The following NLRP6 variants were observed in gnomAD, a reference collection of about 807,000 sequenced individuals.
NLRP6 encodes NLR family pyrin domain containing 6, also known as NACHT, LRR and PYD domains-containing protein 6.
NLRP6 carries 55 observed loss-of-function variants against 70.9 expected under a neutral mutation model. That is an observed-to-expected ratio of 0.78 (90% CI 0.62 to 0.97). The LOEUF (loss-of-function observed/expected upper bound fraction) is 0.97, where lower values mean the gene tolerates loss of function less well. NLRP6 is among the 50% of genes least tolerant of loss of function. The probability of loss-of-function intolerance (pLI) is 0.00; values close to 1 mark genes in which losing one functional copy is unlikely to be tolerated. For synonymous variants in NLRP6, 652 were observed against 581.9 expected, an observed-to-expected ratio of 1.12 and a Z score of -1.73; for missense variants, 1,241 against 1,238.3, an observed-to-expected ratio of 1.00 and a Z score of -0.03.
intron 5 of NLRP6, 69 bp downstream of exon 5, chr11:282,866 A>C (rs1845498799): frequency 4.4e-6 from 5 of 1,140,546 alleles, no homozygotes; most frequent in Non-Finnish European, 5.3e-6. Context: ...GCAGAGACGG[A>C]AGTATGACCT....
Position 281,012 on chromosome 11 carries a change from T to C in NLRP6, c.1278T>C (p.Val426=). 3 of 1,613,046 alleles carry C rather than the reference T, an allele frequency of 1.9e-6. No individual in the cohort carries two copies. The highest frequency in any genetic ancestry group is 2.5e-6 in the Non-Finnish European group (3 of 1,179,968). The change falls in exon 4 of 8, where the codon GTT becomes GTC. Residue 426 remains valine, a synonymous_variant. Coordinates refer to ENST00000534750, the MANE Select transcript of NLRP6 (RefSeq NM_001276700.2). ...TSVYLLFITS[V]LSSAPVADGP... The stretch of plus-strand genomic sequence containing the variant: ...TGTACCTGCTTTTCATCACCAGCGT[T>C]CTGAGCTCGGCTCCGGTAGCCGACG...
Position 281,511 on chromosome 11 carries a change from G to A in NLRP6, c.1777G>A (p.Val593Met). The change falls in exon 4 of 8, where the codon GTG becomes ATG. Residue 593 changes from valine to methionine, a missense_variant. Coordinates refer to ENST00000534750, the MANE Select transcript of NLRP6 (RefSeq NM_001276700.2). Reference protein sequence around the residue: ...GQGCPGVAPEVTEGAKGLEDT... With the variant: ...GQGCPGVAPEMTEGAKGLEDT... ...GGGCTGCCCCGGAGTGGCACCAGAGGTGACCGAGGGGGCCAAAGGGCTCGA... is the reference window on the plus strand; with the variant it reads ...GGGCTGCCCCGGAGTGGCACCAGAGATGACCGAGGGGGCCAAAGGGCTCGA... 6.2e-7 allele frequency: 1 copy of A among 1,605,334 alleles called. No homozygotes were observed. The highest frequency in any genetic ancestry group is 8.5e-7 in the Non-Finnish European group (1 of 1,175,374).
chr11:281,047 T>C lies in NLRP6; in HGVS notation c.1313T>C (p.Leu438Ser), dbSNP rs780565630. 3.7e-6 allele frequency: 6 copies of C among 1,613,016 alleles called. No homozygotes were observed. The South Asian group carries it at 6.6e-5, about 18-fold the overall frequency. ...SSAPVADGPR[L>S]QGDLRNLCRL... Reference sequence around the variant, plus strand: ...GCTCCGGTAGCCGACGGGCCCCGGTTGCAGGGCGACCTGCGCAATCTGTGC... The same window carrying C: ...GCTCCGGTAGCCGACGGGCCCCGGTCGCAGGGCGACCTGCGCAATCTGTGC... Residue 438 changes from leucine to serine, a missense_variant, in exon 4 of 8, where the codon TTG becomes TCG. By Grantham distance (145) the Leu-to-Ser change is moderately radical (BLOSUM62 -2). Transcript: ENST00000534750.
chr11:279,386 G>A lies in NLRP6; in HGVS notation c.89G>A (p.Ser30Asn). 7.5e-7 allele frequency: 1 copy of A among 1,341,404 alleles called. No individual in the cohort carries two copies. Among genetic ancestry groups the A allele is most frequent in the Non-Finnish European group, 9.5e-7 (1 of 1,048,140 alleles). The allele number at this position is 1,341,404 out of a possible 1,614,324, so 83.1% of individuals were successfully genotyped here. ...CTCCTGGCTGCGCTGGAGGAACTGA[G>A]CCAAGAGCAGCTGAAGCGCTTCCGC... ...ELLLAALEEL[S>N]QEQLKRFRHK... Residue 30 changes from serine (S) to asparagine (N), a missense_variant, in exon 2 of 8, where the codon AGC becomes AAC. Transcript: ENST00000534750.
In NLRP6 at chr11:284,497, C is replaced by A. The variant is rs370721274; in HGVS notation, c.2392C>A (p.Arg798=). 11 of 1,612,914 alleles carry A rather than the reference C, an allele frequency of 6.8e-6. No individual in the cohort carries two copies. Among genetic ancestry groups the A allele is most frequent in the Non-Finnish European group, 8.5e-6 (10 of 1,179,816 alleles). The part of the protein sequence containing the change: ...TVRVQLPDPQ[R]GLQYLVGMLR... ...CAGGGTACAGCTGCCTGACCCCCAG[C>A]GAGGGCTCCAGTACCTGGTGGGTAT... The change falls in exon 7 of 8, where the codon CGA becomes AGA. Residue 798 remains arginine (R), a synonymous_variant. Transcript: ENST00000534750.
In NLRP6 at chr11:280,052, C is replaced by T. The variant is rs975960865; in HGVS notation, c.350-32C>T. ...GGCGCAGCCTGCCCCACCTCCGACC[C>T]TTGTCCCCGCGCTGTCTCCCGCTGC... is the stretch of plus-strand genomic sequence containing the variant. On this transcript the variant is annotated intron_variant, in intron 3 of 7. Coordinates refer to ENST00000534750, the MANE Select transcript of NLRP6 (RefSeq NM_001276700.2). 5 of 1,456,072 alleles carry T rather than the reference C, an allele frequency of 3.4e-6. No homozygotes were observed. The African/African-American group carries it at 7.3e-5, about 21-fold the overall frequency. 90.2% of individuals were successfully genotyped at this position (1,456,072 alleles called of 1,614,324 possible).
chr11:279,849 C>G lies in NLRP6; in HGVS notation c.326C>G (p.Ser109Cys). The change falls in exon 3 of 8, where the codon TCC becomes TGC. Residue 109 changes from serine to cysteine, a missense_variant. Transcript: ENST00000534750. ...ERRLQRLGLG[S>C]GTLLSVSEYK... is the part of the protein sequence containing the mutation. ...TCCCTTCCAGGGCTCGGGCTCGGCT[C>G]CGGGACGCTGCTCTCCGTGTCCGGT... The G allele has an allele frequency of 1.9e-6, 3 of 1,565,346 alleles. No individual in the cohort carries two copies. The highest frequency in any genetic ancestry group is 2.6e-6 in the Non-Finnish European group (3 of 1,159,590).
Position 278,535 on chromosome 11 carries a change from C to T in NLRP6, c.-35C>T, listed in dbSNP as rs1845420875. On this transcript the variant is annotated 5_prime_UTR_variant, in exon 1 of 8. Transcript: ENST00000534750. This position sits in a 1 kb window ranked among gnomAD's most constrained non-coding sequence, Gnocchi z 4.7. ...ATCACCTCTCTGATCCCCACCTCTG[C>T]CCCGGAGTGCTAGACCCAGGGAGGA... is the stretch of plus-strand genomic sequence containing the variant. The T allele has an allele frequency of 1.3e-5, 20 of 1,525,838 alleles. No individual in the cohort carries two copies. The highest frequency in any genetic ancestry group is 1.7e-5 in the Non-Finnish European group (19 of 1,137,202). 94.5% of individuals were successfully genotyped at this position (1,525,838 alleles called of 1,614,324 possible).
In NLRP6 at chr11:281,238, T is replaced by G. The variant is rs954692315; in HGVS notation, c.1504T>G (p.Phe502Val). The part of the protein sequence containing the change: ...EVTYQFIDQS[F>V]QEFLAALSYL... ...CACCTACCAGTTCATCGACCAGAGCTTCCAGGAGTTCCTCGCGGCACTGTC... is the reference window on the plus strand; with the variant it reads ...CACCTACCAGTTCATCGACCAGAGCGTCCAGGAGTTCCTCGCGGCACTGTC... The change falls in exon 4 of 8, where the codon TTC becomes GTC. Residue 502 changes from phenylalanine (F) to valine (V), a missense_variant. Coordinates refer to ENST00000534750, the MANE Select transcript of NLRP6 (RefSeq NM_001276700.2). The G allele has an allele frequency of 1.9e-6, 3 of 1,613,154 alleles. No individual in the cohort carries two copies. Among genetic ancestry groups the G allele is most frequent in the Non-Finnish European group, 2.5e-6 (3 of 1,179,914 alleles).
rs143829732 is a variant in NLRP6, at chr11:284,256, C to T, written c.2225C>T (p.Ala742Val). The T allele has an allele frequency of 3.3e-4, 536 of 1,613,246 alleles. No individual in the cohort carries two copies. The African/African-American group carries it at 5.9e-3, about 18-fold the overall frequency. The change falls in exon 6 of 8, where the codon GCG becomes GTG. Residue 742 changes from alanine to valine, a missense_variant. Coordinates refer to ENST00000534750, the MANE Select transcript of NLRP6 (RefSeq NM_001276700.2). ...CTGTCCCACTGCAAACTCCCTGACGCGGTCTGCCGAGACCTTTCTGAGGCC... is the reference window on the plus strand; with the variant it reads ...CTGTCCCACTGCAAACTCCCTGACGTGGTCTGCCGAGACCTTTCTGAGGCC... ...LTLSHCKLPD[A>V]VCRDLSEALR...
At chr11:279,734 A>AT in intron 2 of NLRP6, 100 bp from the exon 3 acceptor site, 1 of 1,363,090 alleles carries the variant, frequency 7.3e-7, no homozygotes, top group Non-Finnish European at 9.6e-7. Context: ...CGCGGGCCCC[A>AT]GGGGTAGGAC....
At position 284,738 on chromosome 11, in the gene NLRP6, C is replaced by T. The variant is rs577797930; in HGVS notation, c.2537+96C>T. ...GCTCCCCCTGGACCCTGAAGAGGGG[C>T]CCCTCCCAGAGACCTCCCATGTGAC... On this transcript the variant is annotated intron_variant, in intron 7 of 7. Coordinates refer to ENST00000534750, the MANE Select transcript of NLRP6 (RefSeq NM_001276700.2). The T allele has an allele frequency of 6.2e-5, 76 of 1,230,208 alleles. No individual in the cohort carries two copies. The South Asian group carries it at 9.1e-4, about 15-fold the overall frequency. 76.2% of individuals were successfully genotyped at this position (1,230,208 alleles called of 1,614,324 possible).
Position 280,815 on chromosome 11 carries a change from T to C in NLRP6, c.1081T>C (p.Tyr361His), listed in dbSNP as rs1845462425. Residue 361 changes from tyrosine to histidine, a missense_variant, in exon 4 of 8, where the codon TAT (tyrosine) becomes CAT (histidine). Tyr to His is a moderately conservative substitution (Grantham distance 83, BLOSUM62 2). Coordinates refer to ENST00000534750, the MANE Select transcript of NLRP6 (RefSeq NM_001276700.2). ...GGACAAGAAGAAGTATTTCTACAAG[T>C]ATTTCCGGGATGAGAGGAGGGCCGA... ...DKDKKKYFYK[Y>H]FRDERRAERA... is the part of the protein sequence containing the mutation. 1 of 1,612,886 alleles carries C rather than the reference T, an allele frequency of 6.2e-7. No homozygotes were observed. The highest frequency in any genetic ancestry group is 8.5e-7 in the Non-Finnish European group (1 of 1,179,802).
intron 3 of NLRP6, 72 bp from the exon 4 acceptor site, chr11:280,012 C>A: frequency 7.1e-7 from 1 of 1,414,926 alleles, no homozygotes; most frequent in Non-Finnish European, 9.3e-7. Flanking sequence ...CCGGGGAGGG[C>A]GTGGGCTCCC....
At position 282,318 on chromosome 11, in the gene NLRP6, C is replaced by T. The variant is rs1229775298; in HGVS notation, c.2106-387C>T. ...CATCTGCCCCACACCTCCACCAGAC[C>T]CTCGGCTCCTCCAGGGCAAGGCTTT... On this transcript the variant is annotated intron_variant, in intron 4 of 7. Coordinates refer to ENST00000534750, the MANE Select transcript of NLRP6 (RefSeq NM_001276700.2). Among the ~76,000 whole-genome samples the T allele has an allele frequency of 3.3e-5, 5 of 152,196 alleles. No individual in the cohort carries two copies. The South Asian group carries it at 6.2e-4, about 19-fold the overall frequency.
chr11:284,204 T>A (rs756101329), intron 5 of NLRP6, 26 bp from the exon 6 acceptor site: 34 of 1,610,982 alleles, frequency 2.1e-5, no homozygotes, highest in Non-Finnish European at 2.7e-5. Context: ...CGCCTGCAGG[T>A]AAATCTCTGT....
rs1281841947 is a variant in NLRP6 at position 285,167 on chromosome 11, C to A, written c.2539C>A (p.Leu847Met). 3 of 1,583,572 alleles carry A rather than the reference C, an allele frequency of 1.9e-6. No individual in the cohort carries two copies. Among genetic ancestry groups the A allele is most frequent in the Non-Finnish European group, 2.6e-6 (3 of 1,164,490 alleles). The stretch of plus-strand genomic sequence containing the variant: ...CTTCTGCTCTGCGTGTGGCTGCAGT[C>A]TGGCCTCTGTGGAGCTGAGCGAGCA... ...HQGCGLQTLS[L>M]ASVELSEQSL... The change falls in exon 8 of 8, where the codon CTG becomes ATG. Residue 847 changes from leucine to methionine, a missense_variant and splice_region_variant. Physicochemically the swap from Leu to Met is conservative, Grantham distance 15. Transcript: ENST00000534750.
At chr11:285,123 TC>T in intron 7 of NLRP6, 42 bp from the exon 8 acceptor site, 1 of 1,552,336 alleles carries the variant, frequency 6.4e-7, no homozygotes, top group Non-Finnish European at 8.7e-7. Flanking sequence ...CTGGCTGCTT[TC>T]CCCCACCGCT....
Position 281,252 on chromosome 11 carries a change from C to G in NLRP6, c.1518C>G (p.Leu506=). ...QFIDQSFQEF[L]AALSYLLEDG... ...TCGACCAGAGCTTCCAGGAGTTCCT[C>G]GCGGCACTGTCCTACCTGCTGGAGG... is the stretch of plus-strand genomic sequence containing the variant. Residue 506 remains leucine (L), a synonymous_variant, in exon 4 of 8, where the codon CTC becomes CTG. Coordinates refer to ENST00000534750, the MANE Select transcript of NLRP6 (RefSeq NM_001276700.2). 1 of 1,613,000 alleles carries G rather than the reference C, an allele frequency of 6.2e-7. No homozygotes were observed. The highest frequency in any genetic ancestry group is 8.5e-7 in the Non-Finnish European group (1 of 1,179,842).
Sources: allele counts gnomAD v4.1 joint callset (sites outside exome capture counted in the v4.1 genomes callset), GRCh38; gene constraint gnomAD v4.1.1; non-coding constraint Gnocchi (gnomAD v3.1); transcripts MANE v1.5; gene names NCBI Gene and HGNC (gene_info 2026-07-23, HGNC 2026-07-21).